Variants in HIPK2 observed in about 807,000 individuals in gnomAD.
The protein encoded by HIPK2 is homeodomain-interacting protein kinase 2.
A neutral mutation model predicts 113.7 loss-of-function variants in HIPK2; 27 were observed. That is an observed-to-expected ratio of 0.24 (90% CI 0.17 to 0.33). HIPK2 has a LOEUF of 0.33. HIPK2 is among the 10% of genes least tolerant of loss of function. The pLI is 1.00. For missense variants in HIPK2, 1,257 were observed against 1,588.0 expected (o/e 0.79, Z 3.54); for synonymous variants, 631 against 642.2 (o/e 0.98, Z 0.26).
At chr7:139,721,095 G>A (rs1016572237) in intron 1 of HIPK2, among the ~76,000 whole-genome samples, 2 of 152,174 alleles carry the variant, frequency 1.3e-5, no homozygotes, top group East Asian at 3.8e-4. Flanking sequence ...CTCCGGCCTG[G>A]CCTGGTGTGG....
chr7:139,690,526 G>A (rs1050816341), intron 2 of HIPK2, among the ~76,000 whole-genome samples: 2 of 152,048 alleles, frequency 1.3e-5, no homozygotes, highest in Non-Finnish European at 2.9e-5. Flanking sequence ...TTGTTCCCAC[G>A]AGAGCTAGTT....
At chr7:139,666,584 ACT>A (rs1252773860) in intron 2 of HIPK2, among the ~76,000 whole-genome samples, 1 of 152,114 alleles carries the variant, frequency 6.6e-6, no homozygotes, top group Non-Finnish European at 1.5e-5. Context: ...AAAAGCAGTC[ACT>A]CTTTTAGAAG....
rs1370770383 is a variant in HIPK2 at position 139,688,794 on chromosome 7, A to G, written c.1103+27138T>C. Reference sequence around the variant, plus strand: ...CCAAAATCCAGACAGCAAAACTTAAAAATACTAATGTTCATTATAAGACGG... The same window carrying G: ...CCAAAATCCAGACAGCAAAACTTAAGAATACTAATGTTCATTATAAGACGG... On this transcript the variant is annotated intron_variant, in intron 2 of 14. Coordinates refer to ENST00000406875, the MANE Select transcript of HIPK2 (RefSeq NM_022740.5). 2.6e-5 allele frequency among the ~76,000 whole-genome samples: 4 copies of G among 152,196 alleles called. 1 individual carries two copies. Among genetic ancestry groups the G allele is most frequent in the Non-Finnish European group, 5.9e-5 (4 of 68,040 alleles).
chr7:139,690,668 AAAAAT>A, intron 2 of HIPK2, among the ~76,000 whole-genome samples: 1 of 152,240 alleles, frequency 6.6e-6, no homozygotes, highest in African/African-American at 2.4e-5. Context: ...AATAAATTTT[AAAAAT>A]AAAATAAAAT....
intron 2 of HIPK2, among the ~76,000 whole-genome samples, chr7:139,664,510 C>T (rs547594254): frequency 2.0e-5 from 3 of 152,106 alleles, no homozygotes; most frequent in African/African-American, 4.8e-5. Flanking sequence ...GCACTCCAGC[C>T]GGGGCAACAC....
intron 2 of HIPK2, among the ~76,000 whole-genome samples, chr7:139,648,914 G>A (rs1801348452): frequency 6.6e-6 from 1 of 152,118 alleles, no homozygotes; most frequent in African/African-American, 2.4e-5. Flanking sequence ...AAGAAGCAAG[G>A]CATTGGGCGG....
In HIPK2 at chr7:139,741,869, G is replaced by C. The variant is rs190063427; in HGVS notation, c.20-24854C>G. Among the ~76,000 whole-genome samples, 25 of 152,320 alleles carry C rather than the reference G, an allele frequency of 1.6e-4. No homozygotes were observed. The East Asian group carries it at 4.6e-3, about 28-fold the overall frequency. ...ACCTGGTATGATGAAAAATGTCAGA[G>C]AAAACAAAGATAAGAACGTGAACTT... On this transcript the variant is annotated intron_variant, in intron 1 of 14. Coordinates refer to ENST00000406875, the MANE Select transcript of HIPK2 (RefSeq NM_022740.5).
intron 1 of HIPK2, among the ~76,000 whole-genome samples, chr7:139,746,235 C>T (rs1016032307): frequency 2.0e-5 from 3 of 152,220 alleles, no homozygotes; most frequent in African/African-American, 7.2e-5. Context: ...CACCCACTGT[C>T]CCCCAGCCGG....
chr7:139,599,121 T>G (rs1418068650), intron 11 of HIPK2, among the ~76,000 whole-genome samples: 1 of 152,240 alleles, frequency 6.6e-6, no homozygotes, highest in African/African-American at 2.4e-5. Context: ...AGATTTCTCT[T>G]GATTGACTTA....
In HIPK2 at chr7:139,572,396, T is replaced by C. The variant is rs973684959; in HGVS notation, c.*531A>G. 2 of 152,358 alleles carry C rather than the reference T, an allele frequency of 1.3e-5. No individual in the cohort carries two copies. Among genetic ancestry groups the C allele is most frequent in the African/African-American group, 4.8e-5 (2 of 41,466 alleles). 9.4% of individuals were successfully genotyped at this position (152,358 alleles called of 1,614,324 possible). A position where few individuals can be genotyped will look rare whatever the true frequency, so the allele number is the denominator to read the frequency against. ...GTTCTGGAAAAATCCCTAAATCTTA[T>C]GTTCAATTAATTAAAAATCTATTTG... On this transcript the variant is annotated 3_prime_UTR_variant, in exon 15 of 15. Coordinates refer to ENST00000406875, the MANE Select transcript of HIPK2 (RefSeq NM_022740.5).
At chr7:139,659,983 G>T (rs539467046) in intron 2 of HIPK2, among the ~76,000 whole-genome samples, 1 of 152,282 alleles carries the variant, frequency 6.6e-6, no homozygotes, top group South Asian at 2.1e-4. Context: ...TTTATAATTT[G>T]AATTTTGAAA....
rs1300260665 is a variant in HIPK2 at position 139,777,894 on chromosome 7, G to A, written c.-271C>T. On this transcript the variant is annotated 5_prime_UTR_variant, in exon 1 of 15. Coordinates refer to ENST00000406875, the MANE Select transcript of HIPK2 (RefSeq NM_022740.5). The stretch of plus-strand genomic sequence containing the variant: ...CTCGGGGCGGCCGGGCGGGCGGAGC[G>A]GCCGAGGCCGAGGCGCCGAGCGGCC... 6.9e-6 allele frequency: 1 copy of A among 144,014 alleles called. No individual in the cohort carries two copies. The highest frequency in any genetic ancestry group is 2.5e-5 in the African/African-American group (1 of 40,160). The allele number at this position is 144,014 out of a possible 1,614,324, so 8.9% of individuals were successfully genotyped here. A position where few individuals can be genotyped will look rare whatever the true frequency, so the allele number is the denominator to read the frequency against.
At chr7:139,595,045 C>G (rs1799154258) in intron 12 of HIPK2, among the ~76,000 whole-genome samples, 1 of 152,226 alleles carries the variant, frequency 6.6e-6, no homozygotes, top group East Asian at 1.9e-4. Flanking sequence ...GCTCTCTCAT[C>G]CTCCTTCTCA....
chr7:139,698,899 A>G (rs1472173553), intron 2 of HIPK2, among the ~76,000 whole-genome samples: 2 of 152,252 alleles, frequency 1.3e-5, no homozygotes, highest in Non-Finnish European at 2.9e-5. Context: ...AAGGAGGCAT[A>G]TATTATACCA....
intron 1 of HIPK2, among the ~76,000 whole-genome samples, chr7:139,731,398 CA>C (rs1427314162): frequency 2.8e-4 from 42 of 152,168 alleles, no homozygotes; most frequent in African/African-American, 9.9e-4. Flanking sequence ...TTCAAAACAA[CA>C]AAATTTCTAA....
intron 2 of HIPK2, among the ~76,000 whole-genome samples, chr7:139,638,656 C>CTTTTTTTTTTTTTTTTTTTTTTTTTTTTT (rs1184555180): frequency 4.6e-5 from 6 of 130,260 alleles, no homozygotes; most frequent in African/African-American, 1.5e-4. Flanking sequence ...AAATAATTGT[C>CTTTTTTTTTTTTTTTTTTTTTTTTTTTTT]TTTTTTTTTT....
intron 2 of HIPK2, among the ~76,000 whole-genome samples, chr7:139,688,107 A>G (rs1794283206): frequency 1.3e-5 from 2 of 151,784 alleles, no homozygotes; most frequent in South Asian, 2.1e-4. Flanking sequence ...ACACACACAC[A>G]CGCAGCCCAT....
intron 2 of HIPK2, among the ~76,000 whole-genome samples, chr7:139,682,276 C>G (rs546279496): frequency 2.4e-4 from 36 of 152,330 alleles, no homozygotes; most frequent in South Asian, 1.0e-3. Flanking sequence ...ATCAAACATC[C>G]ACTGAGAGCC....
At chr7:139,693,702 C>T (rs1261589698) in intron 2 of HIPK2, among the ~76,000 whole-genome samples, 1 of 149,126 alleles carries the variant, frequency 6.7e-6, no homozygotes, top group Non-Finnish European at 1.5e-5. Flanking sequence ...ATGATGTCTT[C>T]CTGTTAAATT....
Sources: allele counts gnomAD v4.1 joint callset (sites outside exome capture counted in the v4.1 genomes callset), GRCh38; gene constraint gnomAD v4.1.1; transcripts MANE v1.5; gene names NCBI Gene and HGNC (gene_info 2026-07-23, HGNC 2026-07-21).